The following NUAK2 variants were observed in gnomAD, a reference collection of about 807,000 sequenced individuals.
NUAK2 encodes the protein NUAK family SNF1-like kinase 2.
A neutral mutation model predicts 29.8 loss-of-function variants in NUAK2; 20 were observed. The observed-to-expected ratio is 0.67, with a 90% CI of 0.47 to 0.98. NUAK2 has a LOEUF of 0.98. Among genes scored for constraint, NUAK2 ranks in the 50% least tolerant of loss-of-function variants. The pLI is 0.00. For missense variants in NUAK2, 719 were observed against 834.5 expected (o/e 0.86, Z 1.71); for synonymous variants, 331 against 342.6 (o/e 0.97, Z 0.37).
intron 1 of NUAK2, among the ~76,000 whole-genome samples, chr1:205,314,470 G>T (rs578172177): frequency 1.4e-4 from 21 of 152,310 alleles, no homozygotes; most frequent in African/African-American, 4.1e-4. Flanking sequence ...TTGGAACTGG[G>T]CAGGGGGCCA....
intron 1 of NUAK2, among the ~76,000 whole-genome samples, chr1:205,314,498 G>A (rs1337004993): frequency 6.6e-6 from 1 of 152,156 alleles, no homozygotes; most frequent in African/African-American, 2.4e-5. Flanking sequence ...ATGTAGAGAG[G>A]GCCTGAATCC....
At position 205,304,415 on chromosome 1, in the gene NUAK2, C is replaced by T. The variant is rs770685148; in HGVS notation, c.922G>A (p.Ala308Thr). The change falls in exon 7 of 7, where the codon GCC becomes ACC. Residue 308 changes from alanine (A) to threonine (T), a missense_variant. This residue lies in a region of NUAK2 where 430 missense variants were observed against 465.7 expected (regional missense o/e 0.92). Transcript: ENST00000367157. This position sits in a 1 kb window ranked among gnomAD's most constrained non-coding sequence, Gnocchi z 6.5. ...ASHWWVNWGY[A>T]TRVGEQEAPH... ...GCCTCCTGCTCTCCCACTCGGGTGG[C>T]GTAGCCCCAGTTGACCCACCAGTGA... 2.3e-5 allele frequency: 36 copies of T among 1,596,448 alleles called. 1 individual carries two copies. In the South Asian group the frequency reaches 2.7e-4, roughly 12 times the overall value.
intron 6 of NUAK2, 113 bp downstream of exon 6, chr1:205,305,086 G>T: frequency 7.3e-7 from 1 of 1,372,960 alleles, no homozygotes; most frequent in Non-Finnish European, 1.0e-6. Context: ...ACCTACCATG[G>T]GCCATGATGG....
At position 205,308,858 on chromosome 1, in the gene NUAK2, A is replaced by G; in HGVS notation, c.353-126T>C. ...GGACCCCCCTCCAGGAATATCTGCTAATGGGGCTATACGGTGGCAAATAAG... is the reference window on the plus strand; with the variant it reads ...GGACCCCCCTCCAGGAATATCTGCTGATGGGGCTATACGGTGGCAAATAAG... On this transcript the variant is annotated intron_variant, in intron 2 of 6. Transcript: ENST00000367157. This position sits in a 1 kb window ranked among gnomAD's most constrained non-coding sequence, Gnocchi z 4.1. 1 of 1,056,174 alleles carries G rather than the reference A, an allele frequency of 9.5e-7. No homozygotes were observed. The highest frequency in any genetic ancestry group is 1.4e-6 in the Non-Finnish European group (1 of 721,028). 65.4% of individuals were successfully genotyped at this position (1,056,174 alleles called of 1,614,324 possible).
rs1230437890 is a variant in NUAK2, at chr1:205,308,263, C to A, written c.505-33G>T. On this transcript the variant is annotated intron_variant, in intron 3 of 6. Transcript: ENST00000367157. This position sits in a 1 kb window ranked among gnomAD's most constrained non-coding sequence, Gnocchi z 4.1. ...AAGGAGAGGGCAGTCACGGGAAGGT[C>A]ACCAGGGAAGGGAAGATGATGAGGG... 6.5e-7 allele frequency: 1 copy of A among 1,527,448 alleles called. No individual in the cohort carries two copies. The allele number at this position is 1,527,448 out of a possible 1,614,324, so 94.6% of individuals were successfully genotyped here.
At chr1:205,318,616 G>C (rs914772326) in intron 1 of NUAK2, among the ~76,000 whole-genome samples, 20 of 152,232 alleles carry the variant, frequency 1.3e-4, no homozygotes, top group African/African-American at 4.8e-4. Context: ...CGGCCCTAAT[G>C]GTTCCCCTTG....
chr1:205,310,289 G>A (rs976615689), intron 2 of NUAK2, among the ~76,000 whole-genome samples: 3 of 152,198 alleles, frequency 2.0e-5, no homozygotes, highest in African/African-American at 7.2e-5. Flanking sequence ...CTCTGCAAGG[G>A]TGCATGCAGC....
In NUAK2 at chr1:205,308,793, G is replaced by C; in HGVS notation, c.353-61C>G. ...CAGAGTGCACTGCTCTCCACTGGGG[G>C]TGACTCACTCCTCCCCGACCCCAGG... is the stretch of plus-strand genomic sequence containing the variant. On this transcript the variant is annotated intron_variant, in intron 2 of 6. Coordinates refer to ENST00000367157, the MANE Select transcript of NUAK2 (RefSeq NM_030952.3). The surrounding 1 kb of genome is among the most constrained non-coding windows in gnomAD (Gnocchi z 4.1). 6.3e-7 allele frequency: 1 copy of C among 1,582,914 alleles called. No individual in the cohort carries two copies. The highest frequency in any genetic ancestry group is 2.3e-5 in the East Asian group (1 of 44,316).
At position 205,302,202 on chromosome 1, in the gene NUAK2, T is replaced by C. The variant is rs1662083533; in HGVS notation, c.*1248A>G. On this transcript the variant is annotated 3_prime_UTR_variant, in exon 7 of 7. Coordinates refer to ENST00000367157, the MANE Select transcript of NUAK2 (RefSeq NM_030952.3). Reference sequence around the variant, plus strand: ...GGAGGTGGAAATAGTTGCAAAAATATCTCTCTGTACACAAAACTTAGATGT... The same window carrying C: ...GGAGGTGGAAATAGTTGCAAAAATACCTCTCTGTACACAAAACTTAGATGT... The C allele has an allele frequency of 1.3e-5, 2 of 152,586 alleles. No homozygotes were observed. The highest frequency in any genetic ancestry group is 4.8e-5 in the African/African-American group (2 of 41,434). The allele number at this position is 152,586 out of a possible 1,614,324, so 9.5% of individuals were successfully genotyped here.
At chr1:205,317,482 T>A (rs937295602) in intron 1 of NUAK2, among the ~76,000 whole-genome samples, 8 of 152,054 alleles carry the variant, frequency 5.3e-5, no homozygotes, top group Non-Finnish European at 1.0e-4. Context: ...GGCCTAGGGG[T>A]GGCTCGCCAT....
chr1:205,320,051 T>C (rs953835120), intron 1 of NUAK2, among the ~76,000 whole-genome samples: 1 of 152,166 alleles, frequency 6.6e-6, no homozygotes, highest in Non-Finnish European at 1.5e-5. Flanking sequence ...TATGGCCCTA[T>C]CCTAGACCTT....
intron 1 of NUAK2, among the ~76,000 whole-genome samples, chr1:205,320,546 G>A (rs867837615): frequency 6.6e-6 from 1 of 152,122 alleles, no homozygotes; most frequent in African/African-American, 2.4e-5. Flanking sequence ...TTACAGGCGT[G>A]AGCCACCGCG....
chr1:205,316,819 T>A (rs1445832441), intron 1 of NUAK2, among the ~76,000 whole-genome samples: 3 of 152,240 alleles, frequency 2.0e-5, no homozygotes, highest in Non-Finnish European at 4.4e-5. Context: ...GTGGTTTTCT[T>A]GCCCCTGCAG....
intron 1 of NUAK2, among the ~76,000 whole-genome samples, chr1:205,315,141 A>T (rs1225373349): frequency 1.3e-5 from 2 of 152,190 alleles, no homozygotes; most frequent in African/African-American, 4.8e-5. Context: ...TACGGCTGGC[A>T]CTTTCCAGGA....
At chr1:205,316,277 T>G (rs1230432865) in intron 1 of NUAK2, among the ~76,000 whole-genome samples, 1 of 152,272 alleles carries the variant, frequency 6.6e-6, no homozygotes, top group Non-Finnish European at 1.5e-5. Flanking sequence ...TCCAGTCATC[T>G]GCTGAGTGCC....
At chr1:205,317,723 G>A (rs1662350433) in intron 1 of NUAK2, among the ~76,000 whole-genome samples, 1 of 152,242 alleles carries the variant, frequency 6.6e-6, no homozygotes, top group Non-Finnish European at 1.5e-5. Context: ...GGTGCAGAGG[G>A]AGCTGGGAGG....
rs78311552 is a variant in NUAK2 at position 205,314,575 on chromosome 1, G to A, written c.232-2750C>T. On this transcript the variant is annotated intron_variant, in intron 1 of 6. Coordinates refer to ENST00000367157, the MANE Select transcript of NUAK2 (RefSeq NM_030952.3). Reference sequence around the variant, plus strand: ...GGAGTATCATTCCCACACACCTCTCGCCTCCATACCCTTTTTCCTCTCCCT... The same window carrying A: ...GGAGTATCATTCCCACACACCTCTCACCTCCATACCCTTTTTCCTCTCCCT... Among the ~76,000 whole-genome samples, 748 of 152,144 alleles carry A rather than the reference G, an allele frequency of 4.9e-3. 8 individuals are homozygous for A. The highest frequency in any genetic ancestry group is 0.017 in the African/African-American group (700 of 41,508).
chr1:205,304,230 C>T lies in NUAK2; in HGVS notation c.1107G>A (p.Glu369=). Residue 369 remains glutamate (E), a synonymous_variant, in exon 7 of 7, where the codon GAG becomes GAA. Transcript: ENST00000367157. The surrounding 1 kb of genome is among the most constrained non-coding windows in gnomAD (Gnocchi z 6.5). ...PGGGSTTPGL[E]RQHSLKKSRK... ...GGGACTTCTTGAGCGAATGCTGGCG[C>T]TCCAGGCCAGGGGTGGTGCTTCCCC... is the stretch of plus-strand genomic sequence containing the variant. The T allele has an allele frequency of 2.5e-6, 4 of 1,614,186 alleles. No individual in the cohort carries two copies. Among genetic ancestry groups the T allele is most frequent in the East Asian group, 2.2e-5 (1 of 44,856 alleles).
At position 205,303,057 on chromosome 1, in the gene NUAK2, A is replaced by C; in HGVS notation, c.*393T>G. 1.9e-5 allele frequency: 3 copies of C among 156,352 alleles called. No homozygotes were observed. The highest frequency in any genetic ancestry group is 4.2e-5 in the Non-Finnish European group (3 of 71,066). The allele number at this position is 156,352 out of a possible 1,614,324, so 9.7% of individuals were successfully genotyped here. A position where few individuals can be genotyped will look rare whatever the true frequency, so the allele number is the denominator to read the frequency against. Reference sequence around the variant, plus strand: ...AGGTCTGGCCCCACTTGGGCAGGGAATGAGTAGGGAAGGAGCTGTCCTTAG... The same window carrying C: ...AGGTCTGGCCCCACTTGGGCAGGGACTGAGTAGGGAAGGAGCTGTCCTTAG... On this transcript the variant is annotated 3_prime_UTR_variant, in exon 7 of 7. Coordinates refer to ENST00000367157, the MANE Select transcript of NUAK2 (RefSeq NM_030952.3).
Sources: allele counts gnomAD v4.1 joint callset (sites outside exome capture counted in the v4.1 genomes callset), GRCh38; gene constraint gnomAD v4.1.1; regional missense constraint gnomAD v4.1.1; non-coding constraint Gnocchi (gnomAD v3.1); transcripts MANE v1.5; gene names NCBI Gene and HGNC (gene_info 2026-07-23, HGNC 2026-07-21).